F10: variants seen among roughly 807,000 people sequenced by gnomAD.
The protein encoded by F10 is coagulation factor X, also known as Stuart-Prower factor.
F10 carries 29 observed loss-of-function variants against 37.1 expected under a neutral mutation model. That is an observed-to-expected ratio of 0.78 (90% confidence interval 0.58 to 1.07). F10 has a LOEUF of 1.07. F10 is among the 50% of genes least tolerant of loss of function. The probability of loss-of-function intolerance (pLI) is 0.00; values close to 1 mark genes in which losing one functional copy is unlikely to be tolerated. For synonymous variants in F10, 262 were observed against 268.6 expected, an observed-to-expected ratio of 0.98 and a Z score of 0.24; for missense variants, 539 against 667.9, an observed-to-expected ratio of 0.81 and a Z score of 2.13.
At chr13:113,129,634 G>T (rs1312928763) in intron 2 of F10, 22 bp downstream of exon 2, 1 of 1,613,786 alleles carries the variant, frequency 6.2e-7, no homozygotes, top group Non-Finnish European at 8.5e-7. Flanking sequence ...GGATAGCCTG[G>T]CTGTTGGTAA....
At chr13:113,123,413 G>T (rs73578960) in intron 1 of F10, among the ~76,000 whole-genome samples, 10,937 of 152,214 alleles carry the variant, frequency 0.072, 1,298 homozygotes, top group African/African-American at 0.25. Flanking sequence ...TGGCTCCGTC[G>T]GGGAAGGAGC....
intron 1 of F10, among the ~76,000 whole-genome samples, chr13:113,125,345 C>G (rs2036360018): frequency 6.6e-6 from 1 of 152,182 alleles, no homozygotes; most frequent in Non-Finnish European, 1.5e-5. Flanking sequence ...GAGTTTGGAC[C>G]TTACTGACTG....
At chr13:113,125,178 GT>G (rs2036359010) in intron 1 of F10, among the ~76,000 whole-genome samples, 1 of 152,214 alleles carries the variant, frequency 6.6e-6, no homozygotes, top group Non-Finnish European at 1.5e-5. Context: ...ACCTGTGAGT[GT>G]TTTCTGCAAT....
rs899049339 is a variant in F10 at position 113,146,070 on chromosome 13, C to T, written c.748-1309C>T. The stretch of plus-strand genomic sequence containing the variant: ...TGAATTCCCCCAGGTCTTCCCCCAC[C>T]CCAGACCGTGTGGCGGGTGAGCCTC... On this transcript the variant is annotated intron_variant, in intron 6 of 7. Coordinates refer to ENST00000375559, the MANE Select transcript of F10 (RefSeq NM_000504.4). The surrounding 1 kb of genome is among the most constrained non-coding windows in gnomAD (Gnocchi z 4.5). Among the ~76,000 whole-genome samples, 1 of 152,288 alleles carries T rather than the reference C, an allele frequency of 6.6e-6. No individual in the cohort carries two copies. The highest frequency in any genetic ancestry group is 2.1e-4 in the South Asian group (1 of 4,834).
rs188319730 is a variant in F10, at chr13:113,131,162, G to A, written c.231+1550G>A. On this transcript the variant is annotated intron_variant, in intron 2 of 7. Transcript: ENST00000375559. ...GATGAACGTCATCCCGGGTAGCAGG[G>A]GCTAAGCCTTTCATCACCTGCTACA... 10 of 152,324 alleles carry A rather than the reference G, an allele frequency of 6.6e-5. No homozygotes were observed. In the East Asian group the frequency reaches 1.9e-3, roughly 29 times the overall value. 9.4% of individuals were successfully genotyped at this position (152,324 alleles called of 1,614,324 possible).
intron 1 of F10, 91 bp downstream of exon 1, chr13:113,123,016 G>C: frequency 7.0e-7 from 1 of 1,430,586 alleles, no homozygotes. Flanking sequence ...CTGCAGCCTG[G>C]ACGGTGGGTG....
chr13:113,147,474 CAA>C lies in F10; in HGVS notation c.844_845del (p.Lys282GlufsTer18). On this transcript the variant is annotated frameshift_variant, in exon 7 of 8. Coordinates refer to ENST00000375559, the MANE Select transcript of F10 (RefSeq NM_000504.4). LOFTEE classifies it low-confidence loss of function (END_TRUNC). ...CGGCAGCCCACTGTCTCTACCAAGC[CAA>C]GAGATTCAAGGTGAGGGTAGGTAAG... is the stretch of plus-strand genomic sequence containing the variant. Reference protein sequence around the residue: ...LTAAHCLYQAKRFKVRVGDRN... With the variant: ...LTAAHCLYQAXRFKVRVGDRN... 1 of 1,613,174 alleles carries C rather than the reference CAA, an allele frequency of 6.2e-7. No individual in the cohort carries two copies. The highest frequency in any genetic ancestry group is 8.5e-7 in the Non-Finnish European group (1 of 1,179,096).
At chr13:113,134,464 G>GT (rs2036460844) in intron 2 of F10, among the ~76,000 whole-genome samples, 2 of 152,176 alleles carry the variant, frequency 1.3e-5, no homozygotes, top group East Asian at 3.8e-4. Flanking sequence ...GGAGAAGAAT[G>GT]AGAGCCGAGC....
In F10 at chr13:113,144,665, G is replaced by A. The variant is rs528750028; in HGVS notation, c.747+570G>A. ...TCCTATGGAGGTAGATAGTACCTTAGAGAAAAACACATCTACTTATTTTCA... is the reference window on the plus strand; with the variant it reads ...TCCTATGGAGGTAGATAGTACCTTAAAGAAAAACACATCTACTTATTTTCA... On this transcript the variant is annotated intron_variant, in intron 6 of 7. Coordinates refer to ENST00000375559, the MANE Select transcript of F10 (RefSeq NM_000504.4). This position sits in a 1 kb window ranked among gnomAD's most constrained non-coding sequence, Gnocchi z 6.4. Among the ~76,000 whole-genome samples, 112 of 152,338 alleles carry A rather than the reference G, an allele frequency of 7.4e-4. No homozygotes were observed. Among genetic ancestry groups the A allele is most frequent in the African/African-American group, 2.5e-3 (104 of 41,580 alleles).
intron 6 of F10, among the ~76,000 whole-genome samples, 166 bp from the exon 7 acceptor site, chr13:113,147,213 G>A (rs1014785413): frequency 2.0e-5 from 3 of 152,214 alleles, no homozygotes; most frequent in African/African-American, 7.2e-5. Context: ...GGCACAGGCA[G>A]AGAAAAGAGA....
chr13:113,138,413 T>TC, intron 2 of F10, 44 bp from the exon 3 acceptor site: 1 of 979,496 alleles, frequency 1.0e-6, no homozygotes, highest in Non-Finnish European at 1.6e-6. Flanking sequence ...ATAAAATGTC[T>TC]CTGTTTTCCC....
At chr13:113,148,183 T>C (rs1386161105) in intron 7 of F10, among the ~76,000 whole-genome samples, 1 of 151,238 alleles carries the variant, frequency 6.6e-6, no homozygotes, top group Non-Finnish European at 1.5e-5. Context: ...ATACAAAAAT[T>C]AGCCGGGCAT....
rs2036532463 is a variant in F10 at position 113,141,959 on chromosome 13, C to G, written c.502+909C>G. Among the ~76,000 whole-genome samples the G allele has an allele frequency of 6.6e-6, 1 of 152,360 alleles. No individual in the cohort carries two copies. Among genetic ancestry groups the G allele is most frequent in the Non-Finnish European group, 1.5e-5 (1 of 68,040 alleles). ...CTACCATGACTGTCCCCTCCAGACA[C>G]AGGTTACTCCCGAGTGTTCTGTCAC... On this transcript the variant is annotated intron_variant, in intron 5 of 7. Coordinates refer to ENST00000375559, the MANE Select transcript of F10 (RefSeq NM_000504.4). The surrounding 1 kb of genome is among the most constrained non-coding windows in gnomAD (Gnocchi z 5.4).
At chr13:113,132,551 A>T (rs1274762974) in intron 2 of F10, among the ~76,000 whole-genome samples, 1 of 152,240 alleles carries the variant, frequency 6.6e-6, no homozygotes, top group African/African-American at 2.4e-5. Context: ...TCCAGATAAG[A>T]TGAAGAAATC....
Position 113,139,022 on chromosome 13 carries a change from C to T in F10, c.257-335C>T, listed in dbSNP as rs956222383. ...AAAGAGGAACCCTAACCTCCTCTCC[C>T]GTCAAGGCCCAGCCCAGAAATGAGC... On this transcript the variant is annotated intron_variant, in intron 3 of 7. Transcript: ENST00000375559. This position sits in a 1 kb window ranked among gnomAD's most constrained non-coding sequence, Gnocchi z 5.2. Among the ~76,000 whole-genome samples, 5 of 152,234 alleles carry T rather than the reference C, an allele frequency of 3.3e-5. No individual in the cohort carries two copies. The highest frequency in any genetic ancestry group is 6.5e-5 in the Admixed American group (1 of 15,280).
At chr13:113,124,139 G>A (rs2036347921) in intron 1 of F10, among the ~76,000 whole-genome samples, 1 of 150,786 alleles carries the variant, frequency 6.6e-6, no homozygotes, top group African/African-American at 2.5e-5. Context: ...CCCTAAGCCC[G>A]GCCCGGGGCT....
chr13:113,132,813 AT>A (rs1449798621), intron 2 of F10, among the ~76,000 whole-genome samples: 1 of 152,224 alleles, frequency 6.6e-6, no homozygotes, highest in African/African-American at 2.4e-5. Context: ...CCTTCCACAT[AT>A]GGAAAATTCC....
chr13:113,130,655 C>G (rs565794474), intron 2 of F10: 1 of 152,458 alleles, frequency 6.6e-6, no homozygotes, highest in South Asian at 2.1e-4. Context: ...CTGGGGAAGA[C>G]CCCTGCAGCT....
rs772703608 is a variant in F10 at position 113,149,142 on chromosome 13, C to T, written c.1092C>T (p.Phe364=). 3.1e-5 allele frequency: 50 copies of T among 1,612,950 alleles called. No individual in the cohort carries two copies. The South Asian group carries it at 3.6e-4, about 12-fold the overall frequency. Reference sequence around the variant, plus strand: ...AGAAGACGGGGATTGTGAGCGGCTTCGGGCGCACCCACGAGAAGGGCCGGC... The same window carrying T: ...AGAAGACGGGGATTGTGAGCGGCTTTGGGCGCACCCACGAGAAGGGCCGGC... ...MTQKTGIVSG[F]GRTHEKGRQS... The change falls in exon 8 of 8, where the codon TTC becomes TTT. Residue 364 remains phenylalanine, a synonymous_variant. Coordinates refer to ENST00000375559, the MANE Select transcript of F10 (RefSeq NM_000504.4). This position sits in a 1 kb window ranked among gnomAD's most constrained non-coding sequence, Gnocchi z 7.5.
Sources: allele counts gnomAD v4.1 joint callset (sites outside exome capture counted in the v4.1 genomes callset), GRCh38; gene constraint gnomAD v4.1.1; non-coding constraint Gnocchi (gnomAD v3.1); transcripts MANE v1.5; gene names NCBI Gene and HGNC (gene_info 2026-07-23, HGNC 2026-07-21).